The following CAMK2D variants were observed in gnomAD, a reference collection of about 807,000 sequenced individuals.
CAMK2D encodes calcium/calmodulin-dependent protein kinase type II subunit delta.
In CAMK2D, 37 loss-of-function variants were observed where a neutral mutation model predicts 84.0. The ratio of observed to expected loss-of-function variants is 0.44; its 90% CI spans 0.34 to 0.58. The LOEUF is 0.58. Ranked by LOEUF, CAMK2D falls within the 20% of genes least tolerant of loss-of-function variation. CAMK2D has a pLI of 0.02. For synonymous variants in CAMK2D, 202 were observed against 212.5 expected (o/e 0.95, Z 0.43); for missense variants, 448 against 652.5 (o/e 0.69, Z 3.41).
chr4:113,468,779 A>T (rs571775935), intron 16 of CAMK2D, among the ~76,000 whole-genome samples: 1 of 152,258 alleles, frequency 6.6e-6, no homozygotes, highest in East Asian at 1.9e-4. Flanking sequence ...AGAGCTTGTG[A>T]TGTGTCCCTA....
At chr4:113,735,365 C>T (rs1562127751) in intron 2 of CAMK2D, among the ~76,000 whole-genome samples, 1 of 138,950 alleles carries the variant, frequency 7.2e-6, no homozygotes. Flanking sequence ...GTCACAGCTA[C>T]TTGGGAGGCT....
intron 3 of CAMK2D, among the ~76,000 whole-genome samples, chr4:113,639,305 G>C (rs2099122725): frequency 6.6e-6 from 1 of 152,084 alleles, no homozygotes; most frequent in Non-Finnish European, 1.5e-5. Context: ...GAAAGCAGTG[G>C]ATATGAATAG....
At chr4:113,716,272 C>T (rs555521975) in intron 2 of CAMK2D, among the ~76,000 whole-genome samples, 8 of 152,100 alleles carry the variant, frequency 5.3e-5, no homozygotes, top group Non-Finnish European at 1.2e-4. Context: ...ATGTCAAGAG[C>T]CAAGTATCAT....
At chr4:113,701,951 T>G (rs1392888532) in intron 2 of CAMK2D, among the ~76,000 whole-genome samples, 2 of 152,142 alleles carry the variant, frequency 1.3e-5, no homozygotes, top group African/African-American at 4.8e-5. Context: ...TCTGCCTTCC[T>G]CGGTCTCCCA....
intron 2 of CAMK2D, among the ~76,000 whole-genome samples, chr4:113,719,117 T>C (rs948503012): frequency 2.6e-5 from 4 of 152,202 alleles, no homozygotes; most frequent in African/African-American, 9.6e-5. Context: ...AGCTTCACGT[T>C]TGTCATCTTG....
At chr4:113,497,263 C>T (rs1020143036) in intron 16 of CAMK2D, among the ~76,000 whole-genome samples, 11 of 152,046 alleles carry the variant, frequency 7.2e-5, no homozygotes, top group African/African-American at 1.9e-4. Flanking sequence ...GACTCTGGTG[C>T]ATTCAAATCT....
intron 12 of CAMK2D, among the ~76,000 whole-genome samples, chr4:113,510,120 G>C (rs13148068): frequency 6.6e-6 from 1 of 152,092 alleles, no homozygotes; most frequent in Non-Finnish European, 1.5e-5. Flanking sequence ...GCTTTCCAGA[G>C]GTTGAAAATT....
chr4:113,681,367 G>A (rs184156275), intron 2 of CAMK2D, among the ~76,000 whole-genome samples: 7 of 152,168 alleles, frequency 4.6e-5, no homozygotes, highest in African/African-American at 1.7e-4. Flanking sequence ...TTTATAAAGG[G>A]CTTTTCCCCC....
rs566303383 is a variant in CAMK2D, at chr4:113,454,325, G to A, written c.*220C>T. The A allele has an allele frequency of 1.5e-5, 6 of 402,538 alleles. No homozygotes were observed. Among genetic ancestry groups the A allele is most frequent in the South Asian group, 1.5e-4 (2 of 13,766 alleles). 24.9% of individuals were successfully genotyped at this position (402,538 alleles called of 1,614,324 possible). A position where few individuals can be genotyped will look rare whatever the true frequency, so the allele number is the denominator to read the frequency against. On this transcript the variant is annotated 3_prime_UTR_variant, in exon 21 of 21. Coordinates refer to ENST00000511664, the MANE Select transcript of CAMK2D (RefSeq NM_001321571.2). ...ATTTAAGTTTGTGTGGAACATCCCC[G>A]TAGTTGAAGTGTAAACAATGTATAG...
At chr4:113,620,774 G>A (rs2099042559) in intron 3 of CAMK2D, among the ~76,000 whole-genome samples, 1 of 152,016 alleles carries the variant, frequency 6.6e-6, no homozygotes, top group Admixed American at 6.6e-5. Flanking sequence ...CCAAAGTGCT[G>A]GGATTACAGG....
chr4:113,566,488 T>C (rs552990705), intron 4 of CAMK2D, among the ~76,000 whole-genome samples: 1 of 152,216 alleles, frequency 6.6e-6, no homozygotes, highest in Non-Finnish European at 1.5e-5. Context: ...CTTTGTATAA[T>C]GAAATCGGAT....
intron 4 of CAMK2D, among the ~76,000 whole-genome samples, chr4:113,567,433 G>A (rs942827662): frequency 2.6e-5 from 4 of 152,092 alleles, no homozygotes; most frequent in Non-Finnish European, 4.4e-5. Context: ...CTCCCAAAGT[G>A]CAGGGATTAC....
chr4:113,561,067 C>G (rs767966655), intron 4 of CAMK2D, among the ~76,000 whole-genome samples: 2 of 152,072 alleles, frequency 1.3e-5, no homozygotes, highest in Non-Finnish European at 2.9e-5. Context: ...AGGAGTTCAA[C>G]TGCAAAGAGG....
At chr4:113,754,315 C>T in intron 2 of CAMK2D, 6 of 980,122 alleles carry the variant, frequency 6.1e-6, no homozygotes, top group Non-Finnish European at 7.3e-6. Flanking sequence ...TACTATGAGT[C>T]AACCTCAGTA....
chr4:113,486,257 G>C (rs2097765034), intron 16 of CAMK2D, among the ~76,000 whole-genome samples: 1 of 151,888 alleles, frequency 6.6e-6, no homozygotes, highest in Non-Finnish European at 1.5e-5. Flanking sequence ...CGAGTAGGTG[G>C]GACTACAGGT....
intron 4 of CAMK2D, among the ~76,000 whole-genome samples, chr4:113,602,142 C>T (rs1190882306): frequency 6.6e-6 from 1 of 151,916 alleles, no homozygotes; most frequent in Non-Finnish European, 1.5e-5. Context: ...TCTAACTGGG[C>T]TAAGCTATCT....
At chr4:113,724,090 G>A (rs995897348) in intron 2 of CAMK2D, among the ~76,000 whole-genome samples, 1 of 151,800 alleles carries the variant, frequency 6.6e-6, no homozygotes, top group African/African-American at 2.4e-5. Flanking sequence ...TCTTATTTTG[G>A]ATTCTGTGTT....
rs181741669 is a variant in CAMK2D, at chr4:113,522,544, C to T, written c.602-4887G>A. 2.1e-3 allele frequency among the ~76,000 whole-genome samples: 325 copies of T among 152,264 alleles called. 1 individual carries two copies. Among genetic ancestry groups the T allele is most frequent in the Non-Finnish European group, 3.7e-3 (252 of 68,016 alleles). On this transcript the variant is annotated intron_variant, in intron 8 of 20. Transcript: ENST00000511664. ...GAAGGCATGTTTCAGAGGATGGAAACTATCTATGCCATGTAGTAGGAGTGG... is the reference window on the plus strand; with the variant it reads ...GAAGGCATGTTTCAGAGGATGGAAATTATCTATGCCATGTAGTAGGAGTGG...
At chr4:113,747,319 T>TAAAAA (rs1554093409) in intron 2 of CAMK2D, among the ~76,000 whole-genome samples, 1 of 147,262 alleles carries the variant, frequency 6.8e-6, no homozygotes, top group African/African-American at 2.5e-5. Context: ...TTTTTTTTTT[T>TAAAAA]AAATTCAATA....
Sources: gnomAD v4.1 joint callset for allele counts (sites outside exome capture counted in the v4.1 genomes callset) on GRCh38, gnomAD v4.1.1 for gene constraint, MANE v1.5 for transcripts, NCBI Gene and HGNC (gene_info 2026-07-23, HGNC 2026-07-21) for gene names.